ABLIM3: variants seen among roughly 807,000 people sequenced by gnomAD.
ABLIM3 encodes the protein actin binding LIM protein family member 3.
Under a neutral mutation model 109.5 loss-of-function variants are expected in ABLIM3, and 61 were observed. The ratio of observed to expected loss-of-function variants is 0.56; its 90% confidence interval spans 0.45 to 0.69. The LOEUF (loss-of-function observed/expected upper bound fraction) is 0.69, where lower values mean the gene tolerates loss of function less well. ABLIM3 is among the 30% of genes least tolerant of loss of function. ABLIM3 has a pLI of 0.00. For synonymous variants in ABLIM3, 300 were observed against 324.8 expected, an observed-to-expected ratio of 0.92 and a Z score of 0.82; for missense variants, 796 against 889.5, an observed-to-expected ratio of 0.89 and a Z score of 1.34.
chr5:149,142,221 A>G (rs1409327130), intron 2 of ABLIM3, 113 bp downstream of exon 2: 19 of 1,481,542 alleles, frequency 1.3e-5, no homozygotes, highest in Non-Finnish European at 1.5e-5. Context: ...CTCTGGACAC[A>G]TGACCCCCAG....
rs772166449 is a variant in ABLIM3 at position 149,198,930 on chromosome 5, C to T, written c.335+528C>T. 21 of 389,592 alleles carry T rather than the reference C, an allele frequency of 5.4e-5. No individual in the cohort carries two copies. The highest frequency in any genetic ancestry group is 8.8e-5 in the Non-Finnish European group (17 of 193,458). 24.1% of individuals were successfully genotyped at this position (389,592 alleles called of 1,614,324 possible). ...CCATTCCAACCTCATTGGGTTTTCTCGAAGATCAATGAGATGATGATGCAA... is the reference window on the plus strand; with the variant it reads ...CCATTCCAACCTCATTGGGTTTTCTTGAAGATCAATGAGATGATGATGCAA... On this transcript the variant is annotated intron_variant, in intron 4 of 23. Transcript: ENST00000309868. The surrounding 1 kb of genome is among the most constrained non-coding windows in gnomAD (Gnocchi z 4.2).
At chr5:149,242,574 G>A in intron 15 of ABLIM3, 36 bp downstream of exon 15, 1 of 1,610,566 alleles carries the variant, frequency 6.2e-7, no homozygotes. Flanking sequence ...GGCCACACAA[G>A]GAGAGGGGGG....
At chr5:149,245,528 G>C (rs1156562041) in intron 16 of ABLIM3, among the ~76,000 whole-genome samples, 1 of 151,656 alleles carries the variant, frequency 6.6e-6, no homozygotes, top group Non-Finnish European at 1.5e-5. Flanking sequence ...GTCCCCCAGG[G>C]TTTTGAGGGT....
intron 2 of ABLIM3, among the ~76,000 whole-genome samples, chr5:149,155,551 T>C (rs1463610943): frequency 2.0e-5 from 3 of 152,084 alleles, no homozygotes; most frequent in Non-Finnish European, 4.4e-5. Flanking sequence ...TGGAGAAGGT[T>C]CCATTCAATC....
intron 7 of ABLIM3, 21 bp downstream of exon 7, chr5:149,210,840 G>A (rs759798099): frequency 2.1e-5 from 34 of 1,606,148 alleles, no homozygotes; most frequent in African/African-American, 1.6e-4. Flanking sequence ...ATAAGTAACC[G>A]TGAAGATGTG....
At chr5:149,147,250 C>T (rs956966257) in intron 2 of ABLIM3, among the ~76,000 whole-genome samples, 1 of 152,094 alleles carries the variant, frequency 6.6e-6, no homozygotes, top group Non-Finnish European at 1.5e-5. Flanking sequence ...TGAGACTTCA[C>T]TGAAGTCATA....
chr5:149,142,108 A>C lies in ABLIM3; in HGVS notation c.13A>C (p.Ile5Leu), dbSNP rs779355841. Reference sequence around the variant, plus strand: ...CAAAGACATCACCATGAACACTAGCAGTAAGTGGATCCTCCTCTCCTTTGC... The same window carrying C: ...CAAAGACATCACCATGAACACTAGCCGTAAGTGGATCCTCCTCTCCTTTGC... MNTS[I>L]PYQQNPYNPR... The change falls in exon 2 of 24, where the codon ATT becomes CTT. Residue 5 changes from isoleucine (I) to leucine (L), a missense_variant and splice_region_variant. Physicochemically the swap from Ile to Leu is conservative, Grantham distance 5 (BLOSUM62 2). Coordinates refer to ENST00000309868, the MANE Select transcript of ABLIM3 (RefSeq NM_014945.5). 1 of 1,380,050 alleles carries C rather than the reference A, an allele frequency of 7.2e-7. No homozygotes were observed. Among genetic ancestry groups the C allele is most frequent in the African/African-American group, 1.5e-5 (1 of 68,452 alleles). 85.5% of individuals were successfully genotyped at this position (1,380,050 alleles called of 1,614,324 possible). A position where few individuals can be genotyped will look rare whatever the true frequency, so the allele number is the denominator to read the frequency against.
At chr5:149,210,437 TA>T (rs1282491491) in intron 6 of ABLIM3, among the ~76,000 whole-genome samples, 13 of 152,142 alleles carry the variant, frequency 8.5e-5, no homozygotes, top group African/African-American at 3.1e-4. Flanking sequence ...CTATTAGTCA[TA>T]GGGGGTGGTA....
At chr5:149,172,131 C>T (rs772053171) in intron 2 of ABLIM3, among the ~76,000 whole-genome samples, 29 of 152,216 alleles carry the variant, frequency 1.9e-4, no homozygotes, top group Non-Finnish European at 2.9e-4. Context: ...TGATCTTTTA[C>T]ATACCCTAGT....
chr5:149,229,991 C>A (rs1761689232), intron 8 of ABLIM3, among the ~76,000 whole-genome samples: 2 of 152,188 alleles, frequency 1.3e-5, no homozygotes. Context: ...CACCATGACA[C>A]CTCCTCCCCC....
At chr5:149,145,710 T>C (rs527713091) in intron 2 of ABLIM3, among the ~76,000 whole-genome samples, 1 of 152,314 alleles carries the variant, frequency 6.6e-6, no homozygotes, top group South Asian at 2.1e-4. Context: ...TGGTATCTCA[T>C]TGTGGTTTGG....
chr5:149,233,730 G>T (rs1480364199), intron 10 of ABLIM3, among the ~76,000 whole-genome samples: 1 of 152,160 alleles, frequency 6.6e-6, no homozygotes, highest in Non-Finnish European at 1.5e-5. Flanking sequence ...GAGGCAGAAA[G>T]GAGAAGGAAG....
intron 3 of ABLIM3, among the ~76,000 whole-genome samples, chr5:149,192,417 A>G (rs919954107): frequency 2.0e-5 from 3 of 152,128 alleles, no homozygotes; most frequent in Non-Finnish European, 2.9e-5. Context: ...ACTTTAACCT[A>G]TTGTACAAAC....
intron 17 of ABLIM3, chr5:149,247,491 G>T (rs10035236): frequency 3.6e-6 from 2 of 550,794 alleles, no homozygotes; most frequent in Non-Finnish European, 6.7e-6. Context: ...GTGGCTATCT[G>T]CCCATTGTTG....
rs139686305 is a variant in ABLIM3 at position 149,183,497 on chromosome 5, T to C, written c.59T>C (p.Val20Ala). 1.5e-5 allele frequency: 24 copies of C among 1,594,952 alleles called. No individual in the cohort carries two copies. The African/African-American group carries it at 2.6e-4, about 17-fold the overall frequency. Residue 20 changes from valine (V) to alanine (A), a missense_variant, in exon 3 of 24, where the codon GTC becomes GCC. Coordinates refer to ENST00000309868, the MANE Select transcript of ABLIM3 (RefSeq NM_014945.5). ...NPYNPRGSSN[V>A]IQCYRCGDTC... ...TACAATCCACGGGGCAGCTCCAATG[T>C]CATCCAGTGCTACCGCTGTGGAGAC...
At chr5:149,180,926 C>T (rs1756401142) in intron 2 of ABLIM3, among the ~76,000 whole-genome samples, 1 of 152,102 alleles carries the variant, frequency 6.6e-6, no homozygotes, top group Non-Finnish European at 1.5e-5. Flanking sequence ...ATCCACTTTC[C>T]CAGAAAATCA....
At chr5:149,216,749 G>A (rs1336588353) in intron 7 of ABLIM3, 2 of 561,110 alleles carry the variant, frequency 3.6e-6, no homozygotes, top group Middle Eastern at 4.6e-4. Context: ...GAAGTCCCCT[G>A]AACTGCCATC....
chr5:149,170,625 G>T lies in ABLIM3; in HGVS notation c.14-12827G>T, dbSNP rs115372692. Among the ~76,000 whole-genome samples, 217 of 152,270 alleles carry T rather than the reference G, an allele frequency of 1.4e-3. 1 individual carries two copies. The highest frequency in any genetic ancestry group is 2.4e-3 in the Non-Finnish European group (166 of 68,022). On this transcript the variant is annotated intron_variant, in intron 2 of 23. Coordinates refer to ENST00000309868, the MANE Select transcript of ABLIM3 (RefSeq NM_014945.5). The stretch of plus-strand genomic sequence containing the variant: ...TCCACTACATTTGTGGGTGAAAAAC[G>T]CTGTTTGCAGGGCATTATACATGGG...
At chr5:149,203,788 T>A (rs968129839) in intron 5 of ABLIM3, among the ~76,000 whole-genome samples, 1 of 152,126 alleles carries the variant, frequency 6.6e-6, no homozygotes, top group Non-Finnish European at 1.5e-5. Flanking sequence ...ACCACTAACA[T>A]AGATTATTAC....
Sources: allele counts gnomAD v4.1 joint callset (sites outside exome capture counted in the v4.1 genomes callset), GRCh38; gene constraint gnomAD v4.1.1; non-coding constraint Gnocchi (gnomAD v3.1); transcripts MANE v1.5; gene names NCBI Gene and HGNC (gene_info 2026-07-23, HGNC 2026-07-21).